ATXN1: variants seen among roughly 807,000 people sequenced by gnomAD.
The protein encoded by ATXN1 is ataxin-1.
ATXN1 carries 8 observed loss-of-function variants against 56.4 expected under a neutral mutation model. The observed-to-expected ratio is 0.14, with a 90% CI of 0.08 to 0.26. The LOEUF is 0.26. Ranked by LOEUF, ATXN1 falls within the 10% of genes least tolerant of loss-of-function variation. ATXN1 has a pLI of 1.00. For missense variants in ATXN1, 987 were observed against 1,106.5 expected (o/e 0.89, Z 1.53); for synonymous variants, 514 against 494.6 (o/e 1.04, Z -0.52).
At position 16,492,790 on chromosome 6, in the gene ATXN1, C is replaced by T. The variant is rs551849407; in HGVS notation, c.-298-6681G>A. Among the ~76,000 whole-genome samples, 42 of 152,152 alleles carry T rather than the reference C, an allele frequency of 2.8e-4. No homozygotes were observed. In the South Asian group the frequency reaches 7.9e-3, roughly 29 times the overall value. On this transcript the variant is annotated intron_variant, in intron 5 of 7. Coordinates refer to ENST00000436367, the MANE Select transcript of ATXN1 (RefSeq NM_001128164.2). ...ATAATGATTTCCTTCTACTGTTTAT[C>T]GTTCTTAAATCTGTATCCTGGTCCC... is the stretch of plus-strand genomic sequence containing the variant.
At chr6:16,491,714 A>G (rs1262305792) in intron 5 of ATXN1, among the ~76,000 whole-genome samples, 1 of 152,206 alleles carries the variant, frequency 6.6e-6, no homozygotes, top group Non-Finnish European at 1.5e-5. Flanking sequence ...GACAGTAATC[A>G]AGGTTCTGCT....
chr6:16,562,066 G>A (rs1303809045), intron 4 of ATXN1, among the ~76,000 whole-genome samples: 1 of 152,126 alleles, frequency 6.6e-6, no homozygotes, highest in African/African-American at 2.4e-5. Flanking sequence ...AATAAAGGCA[G>A]ATAAAGAGTG....
chr6:16,726,746 T>C lies in ATXN1; in HGVS notation c.-615+26487A>G, dbSNP rs750878970. 2.0e-5 allele frequency among the ~76,000 whole-genome samples: 3 copies of C among 152,038 alleles called. No individual in the cohort carries two copies. The South Asian group carries it at 6.2e-4, about 31-fold the overall frequency. ...TGGGTGCCTGTAATCCCAGCTACTC[T>C]ACTCAGGAGGCTGAGGCAGAAGAAT... On this transcript the variant is annotated intron_variant, in intron 2 of 7. Transcript: ENST00000436367.
At chr6:16,587,302 A>T (rs1454887821) in intron 3 of ATXN1, among the ~76,000 whole-genome samples, 2 of 152,240 alleles carry the variant, frequency 1.3e-5, no homozygotes, top group Non-Finnish European at 2.9e-5. Context: ...AACAAGTCAG[A>T]TGATAACATC....
chr6:16,667,683 C>G (rs543338815), intron 2 of ATXN1: 21 of 152,286 alleles, frequency 1.4e-4, no homozygotes, highest in Middle Eastern at 3.4e-3. Context: ...TCTAAGGCAC[C>G]ACAGTAAGGC....
chr6:16,733,868 C>T (rs979457418), intron 2 of ATXN1, among the ~76,000 whole-genome samples: 1 of 151,912 alleles, frequency 6.6e-6, no homozygotes, highest in Non-Finnish European at 1.5e-5. Context: ...GAACCACTGG[C>T]TGGGTGGAGT....
intron 4 of ATXN1, among the ~76,000 whole-genome samples, chr6:16,556,299 C>G (rs148022692): frequency 6.6e-6 from 1 of 152,142 alleles, no homozygotes; most frequent in Non-Finnish European, 1.5e-5. Context: ...ATACTTTTAT[C>G]TCGTTTCTTC....
chr6:16,724,140 T>C (rs1016404000), intron 2 of ATXN1, among the ~76,000 whole-genome samples: 1 of 152,182 alleles, frequency 6.6e-6, no homozygotes, highest in African/African-American at 2.4e-5. Context: ...ACATACTTCA[T>C]TGTCTTAAAC....
intron 6 of ATXN1, among the ~76,000 whole-genome samples, chr6:16,484,103 T>C (rs547421697): frequency 6.6e-6 from 1 of 152,206 alleles, no homozygotes; most frequent in Non-Finnish European, 1.5e-5. Flanking sequence ...CTTCCCCTTA[T>C]GAGGACCCTA....
At chr6:16,315,370 C>G (rs1760485338) in intron 7 of ATXN1, among the ~76,000 whole-genome samples, 1 of 152,162 alleles carries the variant, frequency 6.6e-6, no homozygotes, top group South Asian at 2.1e-4. Flanking sequence ...TAGAATGATA[C>G]TATTTTTTTA....
chr6:16,559,913 T>A (rs1762084480), intron 4 of ATXN1, among the ~76,000 whole-genome samples: 1 of 152,088 alleles, frequency 6.6e-6, no homozygotes, highest in Admixed American at 6.5e-5. Context: ...GAAACTGATT[T>A]CAACTTTTCC....
At chr6:16,411,125 C>CAAAAAAA (rs746717153) in intron 6 of ATXN1, among the ~76,000 whole-genome samples, 88 of 79,938 alleles carry the variant, frequency 1.1e-3, no homozygotes, top group Non-Finnish European at 1.4e-3. Context: ...ACCTCTGTGT[C>CAAAAAAA]AAAAAAAAAA....
intron 5 of ATXN1, among the ~76,000 whole-genome samples, chr6:16,514,560 C>G (rs1761142750): frequency 6.6e-6 from 1 of 152,100 alleles, no homozygotes; most frequent in Admixed American, 6.6e-5. Context: ...GGCAGTTTTG[C>G]TGCTGATTTA....
chr6:16,618,183 T>A (rs1239689498), intron 3 of ATXN1, among the ~76,000 whole-genome samples: 1 of 152,180 alleles, frequency 6.6e-6, no homozygotes, highest in Non-Finnish European at 1.5e-5. Context: ...AAACACCGCA[T>A]GTTCTCACTC....
intron 2 of ATXN1, among the ~76,000 whole-genome samples, chr6:16,718,237 C>G (rs1581391045): frequency 6.6e-6 from 1 of 152,182 alleles, no homozygotes; most frequent in Non-Finnish European, 1.5e-5. Flanking sequence ...AACTTTTAGC[C>G]ACAAAAATAT....
intron 6 of ATXN1, among the ~76,000 whole-genome samples, chr6:16,480,485 G>A (rs1318838768): frequency 6.6e-6 from 1 of 151,868 alleles, no homozygotes; most frequent in Non-Finnish European, 1.5e-5. Flanking sequence ...GTCCCTTTCG[G>A]TACACCTGAC....
intron 7 of ATXN1, among the ~76,000 whole-genome samples, chr6:16,321,064 G>A (rs1471306276): frequency 1.3e-5 from 2 of 152,202 alleles, no homozygotes. Flanking sequence ...GCAGGGAAGG[G>A]AAAACTAACA....
rs1283210245 is a variant in ATXN1 at position 16,760,475 on chromosome 6, C to T, written c.-730+823G>A. Among the ~76,000 whole-genome samples, 1 of 151,022 alleles carries T rather than the reference C, an allele frequency of 6.6e-6. No individual in the cohort carries two copies. Among genetic ancestry groups the T allele is most frequent in the Non-Finnish European group, 1.5e-5 (1 of 67,642 alleles). On this transcript the variant is annotated intron_variant, in intron 1 of 7. Coordinates refer to ENST00000436367, the MANE Select transcript of ATXN1 (RefSeq NM_001128164.2). The surrounding 1 kb of genome is among the most constrained non-coding windows in gnomAD (Gnocchi z 5.3). ...CGCACCAACAGGGCGGCGGTGGCGGCGGCGGCCAGGGCCGTCACCGCCACT... is the reference window on the plus strand; with the variant it reads ...CGCACCAACAGGGCGGCGGTGGCGGTGGCGGCCAGGGCCGTCACCGCCACT...
intron 3 of ATXN1, among the ~76,000 whole-genome samples, chr6:16,619,732 A>G (rs895226257): frequency 7.0e-4 from 106 of 152,132 alleles, no homozygotes; most frequent in African/African-American, 2.4e-3. Context: ...CCCTGGAGTC[A>G]GACTGCTTGG....
Sources: allele counts gnomAD v4.1 joint callset (sites outside exome capture counted in the v4.1 genomes callset), GRCh38; gene constraint gnomAD v4.1.1; non-coding constraint Gnocchi (gnomAD v3.1); transcripts MANE v1.5; gene names NCBI Gene and HGNC (gene_info 2026-07-23, HGNC 2026-07-21).